The following CDH20 variants were observed in gnomAD, a reference collection of about 807,000 sequenced individuals.
CDH20 encodes the protein cadherin 20.
CDH20 carries 29 observed loss-of-function variants against 74.2 expected under a neutral mutation model. That is an observed-to-expected ratio of 0.39 (90% CI 0.29 to 0.53). CDH20 has a LOEUF of 0.53. Ranked by LOEUF, CDH20 falls within the 20% of genes least tolerant of loss-of-function variation. The pLI is 0.69. For missense variants in CDH20, 988 were observed against 1,048.3 expected (o/e 0.94, Z 0.79); for synonymous variants, 469 against 405.4 (o/e 1.16, Z -1.88).
At chr18:61,482,164 C>T (rs1482397011) in intron 1 of CDH20, among the ~76,000 whole-genome samples, 1 of 152,092 alleles carries the variant, frequency 6.6e-6, no homozygotes, top group Non-Finnish European at 1.5e-5. Flanking sequence ...TAAGAAAAAG[C>T]AGCTCACATT....
intron 6 of CDH20, among the ~76,000 whole-genome samples, chr18:61,517,921 G>A (rs1343955921): frequency 1.3e-5 from 2 of 152,112 alleles, no homozygotes; most frequent in Admixed American, 6.5e-5. Flanking sequence ...TGGGACACTG[G>A]AGCTTGGTGG....
At chr18:61,397,922 A>G (rs1029273617) in intron 1 of CDH20, among the ~76,000 whole-genome samples, 1 of 152,234 alleles carries the variant, frequency 6.6e-6, no homozygotes, top group African/African-American at 2.4e-5. Flanking sequence ...ATCGTAAGAG[A>G]TGCAGAAAAC....
At chr18:61,366,315 A>G (rs2144145430) in intron 1 of CDH20, among the ~76,000 whole-genome samples, 1 of 152,276 alleles carries the variant, frequency 6.6e-6, no homozygotes, top group Non-Finnish European at 1.5e-5. Context: ...AAATACTGAG[A>G]ATGTTTTTTA....
intron 7 of CDH20, among the ~76,000 whole-genome samples, chr18:61,532,114 G>C (rs1308706278): frequency 6.6e-6 from 1 of 152,182 alleles, no homozygotes; most frequent in Non-Finnish European, 1.5e-5. Context: ...CAGACTGCCT[G>C]GGCTTGATTC....
chr18:61,381,862 A>T (rs1012153426), intron 1 of CDH20, among the ~76,000 whole-genome samples: 7 of 152,162 alleles, frequency 4.6e-5, no homozygotes, highest in Non-Finnish European at 1.0e-4. Context: ...CCCTCTCAAA[A>T]GTTGTTTCAT....
At chr18:61,428,940 T>G (rs1053588208) in intron 1 of CDH20, among the ~76,000 whole-genome samples, 2 of 152,092 alleles carry the variant, frequency 1.3e-5, no homozygotes, top group Non-Finnish European at 2.9e-5. Flanking sequence ...TGCCTCCTCT[T>G]CTTTTCTTTA....
rs765700572 is a variant in CDH20, at chr18:61,550,001, A to C, written c.1672A>C (p.Arg558=). 6 of 1,614,122 alleles carry C rather than the reference A, an allele frequency of 3.7e-6. No individual in the cohort carries two copies. The highest frequency in any genetic ancestry group is 4.2e-6 in the Non-Finnish European group (5 of 1,180,000). The part of the protein sequence containing the change: ...NQDNTARILT[R]RSGFRQQEQS... ...AGATAACACAGCACGGATTCTAACC[A>C]GGAGGTCTGGTTTCCGGCAGCAGGA... Residue 558 remains arginine, a synonymous_variant, in exon 11 of 12, where the codon AGG becomes CGG. Coordinates refer to ENST00000262717, the MANE Select transcript of CDH20 (RefSeq NM_031891.4).
intron 1 of CDH20, among the ~76,000 whole-genome samples, chr18:61,351,983 T>C (rs1288614808): frequency 5.3e-5 from 8 of 152,164 alleles, no homozygotes; most frequent in Non-Finnish European, 7.4e-5. Context: ...TTTGAGAAAA[T>C]AAATGATTAT....
intron 1 of CDH20, among the ~76,000 whole-genome samples, chr18:61,469,156 CTA>C (rs1910069738): frequency 6.6e-6 from 1 of 152,138 alleles, no homozygotes; most frequent in African/African-American, 2.4e-5. Flanking sequence ...AAAGGAAATG[CTA>C]TGTTTGTTTC....
intron 1 of CDH20, among the ~76,000 whole-genome samples, chr18:61,473,836 C>G (rs116789215): frequency 4.2e-4 from 64 of 152,290 alleles, no homozygotes; most frequent in African/African-American, 1.4e-3. Context: ...TAAAAAATAT[C>G]TTTTTAACTG....
chr18:61,469,546 C>T (rs1185352933), intron 1 of CDH20, among the ~76,000 whole-genome samples: 1 of 152,204 alleles, frequency 6.6e-6, no homozygotes, highest in African/African-American at 2.4e-5. Context: ...CTCAACCATC[C>T]TATAGTGGGC....
At chr18:61,461,813 A>C (rs1909787416) in intron 1 of CDH20, among the ~76,000 whole-genome samples, 1 of 152,136 alleles carries the variant, frequency 6.6e-6, no homozygotes, top group African/African-American at 2.4e-5. Flanking sequence ...CATTTGGTAT[A>C]CACCCCTTGC....
chr18:61,385,667 T>A (rs1038634074), intron 1 of CDH20, among the ~76,000 whole-genome samples: 8 of 152,156 alleles, frequency 5.3e-5, no homozygotes, highest in Non-Finnish European at 7.3e-5. Context: ...GCGCAGTGGC[T>A]CATGCCTGTA....
At chr18:61,357,853 G>C (rs372558226) in intron 1 of CDH20, among the ~76,000 whole-genome samples, 1 of 151,984 alleles carries the variant, frequency 6.6e-6, no homozygotes, top group African/African-American at 2.4e-5. Context: ...ACTTCATCTC[G>C]TGATCTCTTC....
chr18:61,420,688 T>C (rs1226342851), intron 1 of CDH20, among the ~76,000 whole-genome samples: 3 of 152,196 alleles, frequency 2.0e-5, no homozygotes, highest in African/African-American at 7.2e-5. Context: ...GCTTGAACTC[T>C]TGCAAGGAAT....
At chr18:61,426,588 G>C (rs1357977478) in intron 1 of CDH20, among the ~76,000 whole-genome samples, 2 of 152,044 alleles carry the variant, frequency 1.3e-5, no homozygotes, top group Non-Finnish European at 2.9e-5. Flanking sequence ...CCTTTGCATG[G>C]GTTCAGACTG....
intron 1 of CDH20, among the ~76,000 whole-genome samples, chr18:61,425,244 TC>T (rs1913031916): frequency 6.6e-6 from 1 of 152,130 alleles, no homozygotes. Context: ...CAGTTCAGTT[TC>T]CCCAACCCTC....
intron 1 of CDH20, among the ~76,000 whole-genome samples, chr18:61,366,414 CAT>C (rs1053414718): frequency 6.6e-6 from 1 of 152,070 alleles, no homozygotes; most frequent in African/African-American, 2.4e-5. Flanking sequence ...ACATCAGTTA[CAT>C]AGTTAAGAAA....
chr18:61,376,191 A>G (rs1339785753), intron 1 of CDH20, among the ~76,000 whole-genome samples: 1 of 152,266 alleles, frequency 6.6e-6, no homozygotes, highest in Admixed American at 6.5e-5. Flanking sequence ...TATCAAATGT[A>G]TGAAAGATAC....
Sources: allele counts gnomAD v4.1 joint callset (sites outside exome capture counted in the v4.1 genomes callset), GRCh38; gene constraint gnomAD v4.1.1; transcripts MANE v1.5; gene names NCBI Gene and HGNC (gene_info 2026-07-23, HGNC 2026-07-21).